SLC39A9: variants seen among roughly 807,000 people sequenced by gnomAD.
The protein encoded by SLC39A9 is solute carrier family 39 member 9.
Under a neutral mutation model 28.4 loss-of-function variants are expected in SLC39A9, and 14 were observed. The observed-to-expected ratio is 0.49, with a 90% CI of 0.33 to 0.77. SLC39A9 has a LOEUF of 0.77. Among genes scored for constraint, SLC39A9 ranks in the 30% least tolerant of loss-of-function variants. SLC39A9 has a pLI of 0.02. For synonymous variants in SLC39A9, 119 were observed against 149.6 expected (o/e 0.80, Z 1.49); for missense variants, 283 against 381.1 (o/e 0.74, Z 2.14).
At chr14:69,412,343 C>T (rs1013833708) in intron 1 of SLC39A9, among the ~76,000 whole-genome samples, 2 of 151,416 alleles carry the variant, frequency 1.3e-5, no homozygotes, top group East Asian at 2.0e-4. Flanking sequence ...GAGCCAAGAT[C>T]ACGCCACTGC....
upstream of SLC39A9, chr14:69,398,442 G>C (rs758924276): frequency 1.8e-4 from 118 of 639,440 alleles, no homozygotes; most frequent in Non-Finnish European, 3.2e-4. Flanking sequence ...CTTCGATAAA[G>C]GCAAAAAGGT....
chr14:69,461,129 TA>T lies in SLC39A9; in HGVS notation c.*2537del, dbSNP rs897909798. 2.0e-6 allele frequency: 2 copies of T among 986,926 alleles called. No individual in the cohort carries two copies. The highest frequency in any genetic ancestry group is 3.5e-5 in the African/African-American group (2 of 57,254). 61.1% of individuals were successfully genotyped at this position (986,926 alleles called of 1,614,324 possible). ...GCAATACTTAAGTTGCTGCCATGATTACAGATGGAATTATTGGCTACCAAAG... is the reference window on the plus strand; with the variant it reads ...GCAATACTTAAGTTGCTGCCATGATTCAGATGGAATTATTGGCTACCAAAG... On this transcript the variant is annotated 3_prime_UTR_variant, in exon 7 of 7. Coordinates refer to ENST00000336643, the MANE Select transcript of SLC39A9 (RefSeq NM_018375.5).
chr14:69,424,233 T>C (rs201817851), intron 2 of SLC39A9, 31 bp downstream of exon 2: 15 of 1,513,792 alleles, frequency 9.9e-6, no homozygotes, highest in East Asian at 9.0e-5. Context: ...ATTTGAGATA[T>C]GTTATTGACT....
chr14:69,454,767 T>C, intron 4 of SLC39A9, 45 bp from the exon 5 acceptor site: 1 of 1,489,794 alleles, frequency 6.7e-7, no homozygotes, highest in Non-Finnish European at 9.4e-7. Context: ...CTGTTATTGT[T>C]GTTGTTGTTT....
intron 1 of SLC39A9, among the ~76,000 whole-genome samples, chr14:69,412,950 T>A (rs995914116): frequency 2.6e-5 from 4 of 152,262 alleles, no homozygotes; most frequent in African/African-American, 7.2e-5. Flanking sequence ...GGTCTCATCC[T>A]ACAAACTCAA....
rs61982392 is a variant in SLC39A9 at position 69,408,261 on chromosome 14, C to T, written c.96+8796C>T. On this transcript the variant is annotated intron_variant, in intron 1 of 6. Transcript: ENST00000336643. ...CTCCTGACCTCAGTTGATCAGCCCG[C>T]CTTGGCCTCCGGAAGTGCTGGGATT... Among the ~76,000 whole-genome samples the T allele has an allele frequency of 4.6e-3, 701 of 152,028 alleles. 2 individuals carry two copies. Among genetic ancestry groups the T allele is most frequent in the Non-Finnish European group, 7.9e-3 (537 of 67,972 alleles).
rs372895550 is a variant in SLC39A9 at position 69,455,723 on chromosome 14, T to A, written c.559-9T>A. ...AGAATGATAATAAGAGATGATTTTT[T>A]ATTTCCAGGCACCAGCTGCTTTTGG... On this transcript the variant is annotated splice_polypyrimidine_tract_variant and intron_variant, in intron 5 of 6. Transcript: ENST00000336643. The A allele has an allele frequency of 3.1e-4, 493 of 1,614,018 alleles. 1 individual carries two copies. The highest frequency in any genetic ancestry group is 4.1e-4 in the Non-Finnish European group (478 of 1,180,012).
chr14:69,408,173 C>T lies in SLC39A9; in HGVS notation c.96+8708C>T, dbSNP rs944593044. On this transcript the variant is annotated intron_variant, in intron 1 of 6. Transcript: ENST00000336643. ...GATTACGGCTGCCTACCAACACGCC[C>T]GGCTAATTTTTGTATTTTTGGTAGA... is the stretch of plus-strand genomic sequence containing the variant. 6.6e-5 allele frequency among the ~76,000 whole-genome samples: 10 copies of T among 152,000 alleles called. No homozygotes were observed. In the East Asian group the frequency reaches 9.7e-4, roughly 15 times the overall value.
At chr14:69,409,444 T>A (rs978671438) in intron 1 of SLC39A9, among the ~76,000 whole-genome samples, 17 of 152,200 alleles carry the variant, frequency 1.1e-4, no homozygotes, top group African/African-American at 4.1e-4. Flanking sequence ...GCCCAAGCGA[T>A]CCTTCTACCT....
chr14:69,459,799 T>A lies in SLC39A9; in HGVS notation c.*1206T>A. ...GCCTCTCCTCGCCACAATTTGCTGC[T>A]TACTGCTGGTGTTAATATTTGTGTG... On this transcript the variant is annotated 3_prime_UTR_variant, in exon 7 of 7. Transcript: ENST00000336643. The A allele has an allele frequency of 1.0e-6, 1 of 985,440 alleles. No individual in the cohort carries two copies. The highest frequency in any genetic ancestry group is 1.2e-6 in the Non-Finnish European group (1 of 829,940). 61.0% of individuals were successfully genotyped at this position (985,440 alleles called of 1,614,324 possible). A position where few individuals can be genotyped will look rare whatever the true frequency, so the allele number is the denominator to read the frequency against.
chr14:69,434,732 T>A (rs1884663444), intron 2 of SLC39A9, among the ~76,000 whole-genome samples: 1 of 152,168 alleles, frequency 6.6e-6, no homozygotes, highest in Non-Finnish European at 1.5e-5. Context: ...TTTATTTGCA[T>A]CTCAAAATTT....
intron 1 of SLC39A9, among the ~76,000 whole-genome samples, chr14:69,417,441 G>T (rs1277293243): frequency 1.3e-5 from 2 of 152,204 alleles, no homozygotes; most frequent in African/African-American, 2.4e-5. Context: ...GCTTAGGATT[G>T]TCTTGGCAAT....
chr14:69,428,264 G>C, intron 2 of SLC39A9, among the ~76,000 whole-genome samples: 4 of 146,364 alleles, frequency 2.7e-5, no homozygotes, highest in Non-Finnish European at 1.5e-5. Flanking sequence ...GACAGAGCGA[G>C]ACTCTGTCTC....
In SLC39A9 at chr14:69,449,378, G is replaced by A. The variant is rs553356590; in HGVS notation, c.404-3863G>A. ...GTGACTCACGCCTGTAATCCCAAGC[G>A]ATTTGGGAGGCCAAGACGGGAAGAT... On this transcript the variant is annotated intron_variant, in intron 3 of 6. Coordinates refer to ENST00000336643, the MANE Select transcript of SLC39A9 (RefSeq NM_018375.5). Among the ~76,000 whole-genome samples, 353 of 152,170 alleles carry A rather than the reference G, an allele frequency of 2.3e-3. 1 individual carries two copies. The highest frequency in any genetic ancestry group is 7.5e-3 in the African/African-American group (310 of 41,514).
chr14:69,443,524 C>A (rs1204214733), intron 3 of SLC39A9, among the ~76,000 whole-genome samples: 1 of 152,106 alleles, frequency 6.6e-6, no homozygotes, highest in African/African-American at 2.4e-5. Context: ...TTTCTACTGG[C>A]AGTAAAGATA....
At chr14:69,447,782 C>G (rs1298108767) in intron 3 of SLC39A9, among the ~76,000 whole-genome samples, 1 of 151,790 alleles carries the variant, frequency 6.6e-6, no homozygotes, top group Non-Finnish European at 1.5e-5. Context: ...TCGTGGTGAC[C>G]TGCGCTTGTA....
In SLC39A9 at chr14:69,456,517, T is replaced by C. The variant is rs772113252; in HGVS notation, c.693+651T>C. 5.8e-4 allele frequency among the ~76,000 whole-genome samples: 88 copies of C among 152,214 alleles called. 1 individual carries two copies. The highest frequency in any genetic ancestry group is 9.8e-4 in the Non-Finnish European group (67 of 68,028). On this transcript the variant is annotated intron_variant, in intron 6 of 6. Transcript: ENST00000336643. Reference sequence around the variant, plus strand: ...AGCTCTCACGTCCCCAGATAGTAACTGTACAGTTCTTTCTATTGAATACTT... The same window carrying C: ...AGCTCTCACGTCCCCAGATAGTAACCGTACAGTTCTTTCTATTGAATACTT...
In SLC39A9 at chr14:69,461,512, C is replaced by A. The variant is rs1886111071; in HGVS notation, c.*2919C>A. 5 of 1,437,950 alleles carry A rather than the reference C, an allele frequency of 3.5e-6. No homozygotes were observed. The Admixed American group carries it at 1.1e-4, about 30-fold the overall frequency. The allele number at this position is 1,437,950 out of a possible 1,614,324, so 89.1% of individuals were successfully genotyped here. A position where few individuals can be genotyped will look rare whatever the true frequency, so the allele number is the denominator to read the frequency against. On this transcript the variant is annotated 3_prime_UTR_variant, in exon 7 of 7. Coordinates refer to ENST00000336643, the MANE Select transcript of SLC39A9 (RefSeq NM_018375.5). Reference sequence around the variant, plus strand: ...TGTTTTCTCTTTCTCCCCGCTTTCACCTCTTTCTTTCCCAATTCAAAACAG... The same window carrying A: ...TGTTTTCTCTTTCTCCCCGCTTTCAACTCTTTCTTTCCCAATTCAAAACAG...
intron 3 of SLC39A9, 148 bp downstream of exon 3, chr14:69,442,414 G>C: frequency 1.3e-6 from 1 of 753,698 alleles, no homozygotes; most frequent in Non-Finnish European, 2.2e-6. Flanking sequence ...TTAACTAAGT[G>C]GGGAGAGCTA....
Sources: gnomAD v4.1 joint callset for allele counts (sites outside exome capture counted in the v4.1 genomes callset) on GRCh38, gnomAD v4.1.1 for gene constraint, MANE v1.5 for transcripts, NCBI Gene and HGNC (gene_info 2026-07-23, HGNC 2026-07-21) for gene names.